Variants in INPP5B observed in about 807,000 individuals in gnomAD.
INPP5B encodes the protein type II inositol 1,4,5-trisphosphate 5-phosphatase.
INPP5B carries 90 observed loss-of-function variants against 118.5 expected under a neutral mutation model. The ratio of observed to expected loss-of-function variants is 0.76; its 90% CI spans 0.64 to 0.90. The LOEUF (loss-of-function observed/expected upper bound fraction) is 0.90. Ranked by LOEUF, INPP5B falls within the 40% of genes least tolerant of loss-of-function variation. INPP5B has a pLI of 0.00. For missense variants in INPP5B, 984 were observed against 1,125.6 expected, an observed-to-expected ratio of 0.87 and a Z score of 1.80; for synonymous variants, 385 against 418.9, an observed-to-expected ratio of 0.92 and a Z score of 0.99.
chr1:37,931,756 C>T (rs1406691240), intron 7 of INPP5B, 157 bp downstream of exon 7: 1 of 1,601,592 alleles, frequency 6.2e-7, no homozygotes, highest in African/African-American at 1.3e-5. Flanking sequence ...CCGCCCGTCC[C>T]GCGCGCTCCG....
intron 3 of INPP5B, among the ~76,000 whole-genome samples, chr1:37,944,282 C>G (rs994633407): frequency 1.3e-5 from 2 of 152,196 alleles, no homozygotes; most frequent in Admixed American, 6.5e-5. Flanking sequence ...AAGGCCCCCT[C>G]CCTCCCAGCT....
chr1:37,874,135 C>G lies in INPP5B; in HGVS notation c.1809G>C (p.Lys603Asn). The change falls in exon 18 of 24, where the codon AAG becomes AAC. Residue 603 changes from lysine (K) to asparagine (N), a missense_variant. Transcript: ENST00000373024. ...SKREFCFQNV[K>N]YMQLKVESFT... ...AGGATTCTACTTTCAATTGCATGTA[C>G]TTCACATTCTGAAAACAGAACTGGG... 1 of 1,575,234 alleles carries G rather than the reference C, an allele frequency of 6.3e-7. No individual in the cohort carries two copies. The highest frequency in any genetic ancestry group is 8.7e-7 in the Non-Finnish European group (1 of 1,151,106).
Position 37,936,680 on chromosome 1 carries a change from A to T in INPP5B, c.391+4008T>A, listed in dbSNP as rs552566081. 2.1e-4 allele frequency among the ~76,000 whole-genome samples: 32 copies of T among 151,514 alleles called. 1 individual carries two copies. In the South Asian group the frequency reaches 6.1e-3, roughly 29 times the overall value. Reference sequence around the variant, plus strand: ...AGAGGGTGCCATGAGCTAAGGAAGCACTAGAGCAAAACACGCAAGGGCTCA... The same window carrying T: ...AGAGGGTGCCATGAGCTAAGGAAGCTCTAGAGCAAAACACGCAAGGGCTCA... On this transcript the variant is annotated intron_variant, in intron 6 of 23. Transcript: ENST00000373024.
chr1:37,861,737 GAAA>G lies in INPP5B; in HGVS notation c.*575_*577del, dbSNP rs906397063. On this transcript the variant is annotated 3_prime_UTR_variant, in exon 24 of 24. Coordinates refer to ENST00000373024, the MANE Select transcript of INPP5B (RefSeq NM_005540.3). ...AAGAGTGAAACTCCATCTCAAAAAA[GAAA>G]AAAAAAAAAAAAAGGCCGGGCGTGG... 4 of 78,172 alleles carry G rather than the reference GAAA, an allele frequency of 5.1e-5. No homozygotes were observed. The highest frequency in any genetic ancestry group is 0.01 in the Middle Eastern group (1 of 98). 4.8% of individuals were successfully genotyped at this position (78,172 alleles called of 1,614,324 possible).
intron 7 of INPP5B, among the ~76,000 whole-genome samples, chr1:37,897,519 CAG>C (rs1644165988): frequency 1.3e-5 from 2 of 151,016 alleles, no homozygotes; most frequent in African/African-American, 4.9e-5. Context: ...CTTTGTTAAA[CAG>C]ATGCTTGAAG....
intron 10 of INPP5B, 29 bp from the exon 11 acceptor site, chr1:37,887,494 TAAAGA>T (rs1643611214): frequency 4.7e-6 from 6 of 1,286,098 alleles, no homozygotes; most frequent in Non-Finnish European, 6.8e-6. Flanking sequence ...AGTTAGATAG[TAAAGA>T]AAAGTAATGT....
chr1:37,927,989 C>G (rs1264918294), intron 7 of INPP5B, among the ~76,000 whole-genome samples: 1 of 152,162 alleles, frequency 6.6e-6, no homozygotes, highest in Non-Finnish European at 1.5e-5. Context: ...ACCAGATTCA[C>G]CTATCCCCCA....
intron 19 of INPP5B, 102 bp downstream of exon 19, chr1:37,872,828 G>A: frequency 1.2e-6 from 1 of 822,808 alleles, no homozygotes; most frequent in Admixed American, 2.3e-5. Flanking sequence ...CTAGGAAGCT[G>A]AAGAGTTTCT....
At position 37,894,614 on chromosome 1, in the gene INPP5B, T is replaced by G. The variant is rs1191787326; in HGVS notation, c.533-3160A>C. 3.3e-5 allele frequency among the ~76,000 whole-genome samples: 5 copies of G among 150,250 alleles called. No homozygotes were observed. In the Admixed American group the frequency reaches 3.4e-4, roughly 10 times the overall value. Reference sequence around the variant, plus strand: ...TCTCGCTCTGTTGCCCAGGCTGGAGTGCAGTGGCGCAAGCTTGGCTCTTTG... The same window carrying G: ...TCTCGCTCTGTTGCCCAGGCTGGAGGGCAGTGGCGCAAGCTTGGCTCTTTG... On this transcript the variant is annotated intron_variant, in intron 7 of 23. Coordinates refer to ENST00000373024, the MANE Select transcript of INPP5B (RefSeq NM_005540.3).
At chr1:37,884,844 G>A (rs1034470686) in intron 13 of INPP5B, among the ~76,000 whole-genome samples, 6 of 151,858 alleles carry the variant, frequency 4.0e-5, no homozygotes, top group Admixed American at 6.6e-5. Flanking sequence ...TCAGCTACTC[G>A]GGAGGCTGAG....
chr1:37,910,879 T>A (rs1361492937), intron 7 of INPP5B, among the ~76,000 whole-genome samples: 1 of 152,112 alleles, frequency 6.6e-6, no homozygotes, highest in South Asian at 2.1e-4. Flanking sequence ...CCACAACCCA[T>A]TATTCTGTTC....
chr1:37,898,595 T>G (rs1570181306), intron 7 of INPP5B, among the ~76,000 whole-genome samples: 1 of 151,510 alleles, frequency 6.6e-6, no homozygotes, highest in Admixed American at 6.6e-5. Context: ...CTCGGGAGGC[T>G]GAGGCAGGAG....
chr1:37,876,231 G>A (rs1642794511), intron 16 of INPP5B, among the ~76,000 whole-genome samples: 1 of 151,244 alleles, frequency 6.6e-6, no homozygotes, highest in African/African-American at 2.4e-5. Flanking sequence ...AGCCCCCCAA[G>A]TAGCTGAGAC....
chr1:37,924,301 T>G (rs1645152249), intron 7 of INPP5B, among the ~76,000 whole-genome samples: 1 of 151,928 alleles, frequency 6.6e-6, no homozygotes, highest in Admixed American at 6.6e-5. Context: ...CTTGACTAGC[T>G]GGGACTACAG....
At chr1:37,932,136 G>A in intron 6 of INPP5B, 83 bp from the exon 7 acceptor site, 1 of 1,388,250 alleles carries the variant, frequency 7.2e-7, no homozygotes, top group Non-Finnish European at 9.5e-7. Context: ...AAGAGACTCC[G>A]GCCCTGTTTC....
At chr1:37,941,356 G>A (rs1171092796) in intron 5 of INPP5B, among the ~76,000 whole-genome samples, 1 of 152,108 alleles carries the variant, frequency 6.6e-6, no homozygotes, top group African/African-American at 2.4e-5. Flanking sequence ...GCGATTAAGA[G>A]TGTGGGCTAG....
chr1:37,871,008 T>C (rs1365751014), intron 19 of INPP5B, among the ~76,000 whole-genome samples: 2 of 143,292 alleles, frequency 1.4e-5, no homozygotes, highest in African/African-American at 5.2e-5. Flanking sequence ...TATAAAAAAA[T>C]TAGCTGGGCA....
intron 7 of INPP5B, among the ~76,000 whole-genome samples, chr1:37,896,402 A>G (rs1204904826): frequency 7.0e-6 from 1 of 142,674 alleles, no homozygotes; most frequent in Non-Finnish European, 1.5e-5. Context: ...CCCGGCAGCC[A>G]CCTCGTCCGG....
intron 22 of INPP5B, 97 bp from the exon 23 acceptor site, chr1:37,864,520 G>A (rs902257560): frequency 4.5e-5 from 30 of 670,272 alleles, no homozygotes; most frequent in Non-Finnish European, 5.7e-5. Context: ...CCAAGTGCAC[G>A]AGAAAGACTG....
Sources: gnomAD v4.1 joint callset for allele counts (sites outside exome capture counted in the v4.1 genomes callset) on GRCh38, gnomAD v4.1.1 for gene constraint, MANE v1.5 for transcripts, NCBI Gene and HGNC (gene_info 2026-07-23, HGNC 2026-07-21) for gene names.